The following PDE1A variants were observed in gnomAD, a reference collection of about 807,000 sequenced individuals.
The protein encoded by PDE1A is phosphodiesterase 1A.
In PDE1A, 35 loss-of-function variants were observed where a neutral mutation model predicts 61.7. The ratio of observed to expected loss-of-function variants is 0.57; its 90% CI spans 0.43 to 0.75. The LOEUF (loss-of-function observed/expected upper bound fraction) is 0.75. PDE1A is among the 30% of genes least tolerant of loss of function. The pLI, the probability that PDE1A is intolerant of heterozygous loss-of-function variation, is 0.00. For missense variants in PDE1A, 597 were observed against 630.6 expected (o/e 0.95, Z 0.57); for synonymous variants, 232 against 213.2 (o/e 1.09, Z -0.77).
Position 182,513,480 on chromosome 2 carries a change from A to T in PDE1A, c.101+8796T>A, listed in dbSNP as rs191694056. On this transcript the variant is annotated intron_variant, in intron 2 of 14. Coordinates refer to the PDE1A transcript ENST00000410103. ...AACATAGCAACAAAAAACTGTTACCAGCCACCACAAAAGTACACTTAAGTA... is the reference window on the plus strand; with the variant it reads ...AACATAGCAACAAAAAACTGTTACCTGCCACCACAAAAGTACACTTAAGTA... Among the ~76,000 whole-genome samples, 513 of 152,336 alleles carry T rather than the reference A, an allele frequency of 3.4e-3. 3 individuals are homozygous for T. The highest frequency in any genetic ancestry group is 0.012 in the African/African-American group (491 of 41,584).
chr2:182,608,733 T>A, the PDE1A span, among the ~76,000 whole-genome samples: 1 of 152,206 alleles, frequency 6.6e-6, no homozygotes, highest in Admixed American at 6.5e-5. Context: ...CGCCGCCCCC[T>A]GCTCCACGGC....
the PDE1A span, among the ~76,000 whole-genome samples, chr2:182,586,808 T>C: frequency 2.0e-5 from 3 of 152,348 alleles, no homozygotes; most frequent in African/African-American, 7.2e-5. Context: ...ATTCGATAAA[T>C]GTTTATCAGA....
At chr2:182,486,285 T>C (rs578107540) in intron 2 of PDE1A, among the ~76,000 whole-genome samples, 4 of 152,062 alleles carry the variant, frequency 2.6e-5, no homozygotes, top group South Asian at 2.1e-4. Context: ...TAATAAAATA[T>C]TACTGAGAGA....
chr2:182,480,828 GGAA>G (rs1386856306), intron 2 of PDE1A, among the ~76,000 whole-genome samples: 1 of 151,860 alleles, frequency 6.6e-6, no homozygotes, highest in African/African-American at 2.4e-5. Flanking sequence ...ATGATTGATA[GGAA>G]GAAGAAGGAG....
chr2:182,319,215 G>A (rs113922739), intron 1 of PDE1A, among the ~76,000 whole-genome samples: 1,664 of 152,202 alleles, frequency 0.011, 25 homozygotes, highest in South Asian at 0.069. Flanking sequence ...ATTATACAGA[G>A]TTAGGAGAAA....
chr2:182,367,517 T>C (rs944441673), intron 1 of PDE1A, among the ~76,000 whole-genome samples: 5 of 152,034 alleles, frequency 3.3e-5, no homozygotes, highest in African/African-American at 1.2e-4. Context: ...TGGGAATTTG[T>C]TCTCTTAATA....
intron 1 of PDE1A, among the ~76,000 whole-genome samples, chr2:182,362,321 A>G (rs1699557240): frequency 6.6e-6 from 1 of 152,036 alleles, no homozygotes; most frequent in Admixed American, 6.6e-5. Flanking sequence ...AAACCATAGT[A>G]GTGTCAGCAG....
At chr2:182,617,259 C>T in the PDE1A span, among the ~76,000 whole-genome samples, 6 of 152,186 alleles carry the variant, frequency 3.9e-5, no homozygotes, top group African/African-American at 1.4e-4. Flanking sequence ...TATGGCCACA[C>T]TTCAATAAAA....
At chr2:182,606,670 G>A in the PDE1A span, among the ~76,000 whole-genome samples, 9 of 152,204 alleles carry the variant, frequency 5.9e-5, no homozygotes, top group African/African-American at 2.2e-4. Context: ...CATACCAGCA[G>A]GTCATAAATA....
intron 1 of PDE1A, among the ~76,000 whole-genome samples, chr2:182,422,473 T>C (rs1415296193): frequency 1.3e-5 from 2 of 152,178 alleles, no homozygotes; most frequent in Non-Finnish European, 2.9e-5. Flanking sequence ...TTTGAGGCAG[T>C]GAAATTCAGA....
intron 10 of PDE1A, among the ~76,000 whole-genome samples, chr2:182,190,849 A>T (rs1357858096): frequency 6.6e-6 from 1 of 152,018 alleles, no homozygotes; most frequent in Non-Finnish European, 1.5e-5. Flanking sequence ...CCAGCTACTC[A>T]GGAGGCTGAG....
the PDE1A span, among the ~76,000 whole-genome samples, chr2:182,599,013 G>A: frequency 1.3e-5 from 2 of 152,174 alleles, no homozygotes; most frequent in African/African-American, 2.4e-5. Context: ...AGAGAAACAC[G>A]GCTGGGGCTT....
chr2:182,142,657 T>C (rs1215439948), downstream of PDE1A: 1 of 152,238 alleles, frequency 6.6e-6, no homozygotes, highest in Non-Finnish European at 1.5e-5. Flanking sequence ...AATTTATAGT[T>C]ATAGCACTCT....
chr2:182,270,317 AC>A (rs1296601561), intron 1 of PDE1A, among the ~76,000 whole-genome samples: 1 of 152,170 alleles, frequency 6.6e-6, no homozygotes, highest in African/African-American at 2.4e-5. Flanking sequence ...TAATTCAAAT[AC>A]AGAACTGCTA....
At position 182,400,668 on chromosome 2, in the gene PDE1A, T is replaced by C. The variant is rs539773132; in HGVS notation, c.53+25910A>G. 5.9e-5 allele frequency among the ~76,000 whole-genome samples: 9 copies of C among 152,148 alleles called. 1 individual carries two copies. The South Asian group carries it at 1.7e-3, about 28-fold the overall frequency. On this transcript the variant is annotated intron_variant, in intron 1 of 13. Transcript: ENST00000351439. ...TCAAAGGAGCCACTCTCTAAAGGCA[T>C]GAAGAGAAAGCGGAATGATGTCTTT...
At chr2:182,144,459 A>C (rs1436873783), downstream of PDE1A, among the ~76,000 whole-genome samples, 1 of 152,228 alleles carries the variant, frequency 6.6e-6, no homozygotes, top group Non-Finnish European at 1.5e-5. Flanking sequence ...ATGATGGCGA[A>C]ATTATACAAC....
At chr2:182,179,677 T>A (rs1447952980) in intron 13 of PDE1A, among the ~76,000 whole-genome samples, 3 of 152,070 alleles carry the variant, frequency 2.0e-5, no homozygotes, top group African/African-American at 4.8e-5. Flanking sequence ...CTCTACCCCC[T>A]CCTCTCTCGT....
chr2:182,432,317 C>G (rs1304140066), intron 2 of PDE1A, among the ~76,000 whole-genome samples: 1 of 152,128 alleles, frequency 6.6e-6, no homozygotes, highest in African/African-American at 2.4e-5. Context: ...CAAGGTCATG[C>G]ATACCACCAG....
At chr2:182,552,895 G>C in the PDE1A span, among the ~76,000 whole-genome samples, 1 of 151,890 alleles carries the variant, frequency 6.6e-6, no homozygotes, top group African/African-American at 2.4e-5. Flanking sequence ...CTGAGCTTTC[G>C]CTCGCCATCC....
Sources: gnomAD v4.1 joint callset for allele counts (sites outside exome capture counted in the v4.1 genomes callset) on GRCh38, gnomAD v4.1.1 for gene constraint, MANE v1.5 for transcripts, NCBI Gene and HGNC (gene_info 2026-07-23, HGNC 2026-07-21) for gene names.